Variants in GLYATL1 observed in about 807,000 individuals in gnomAD.
GLYATL1 encodes the protein glycine-N-acyltransferase like 1, also known as glycine N-acyltransferase-like protein 1.
A neutral mutation model predicts 20.0 loss-of-function variants in GLYATL1; 15 were observed. The observed-to-expected ratio is 0.75, with a 90% confidence interval of 0.50 to 1.15. The LOEUF (loss-of-function observed/expected upper bound fraction) is 1.15. Ranked by LOEUF, GLYATL1 falls within the 50% of genes most tolerant of loss-of-function variation. GLYATL1 has a pLI of 0.00. For synonymous variants in GLYATL1, 151 were observed against 131.5 expected, an observed-to-expected ratio of 1.15 and a Z score of -1.01; for missense variants, 380 against 368.5, an observed-to-expected ratio of 1.03 and a Z score of -0.26.
intron 1 of GLYATL1, among the ~76,000 whole-genome samples, chr11:58,906,063 A>T (rs1026237353): frequency 1.3e-5 from 2 of 152,150 alleles, no homozygotes; most frequent in African/African-American, 4.8e-5. Context: ...GCGAATCGGG[A>T]GCAGCGGGCA....
chr11:58,947,244 C>T lies in GLYATL1; in HGVS notation c.78+79C>T, dbSNP rs552465592. The T allele has an allele frequency of 2.6e-5, 39 of 1,525,088 alleles. No homozygotes were observed. In the East Asian group the frequency reaches 8.2e-4, roughly 32 times the overall value. The allele number at this position is 1,525,088 out of a possible 1,614,324, so 94.5% of individuals were successfully genotyped here. On this transcript the variant is annotated intron_variant, in intron 3 of 6. Coordinates refer to ENST00000532726, the MANE Select transcript of GLYATL1 (RefSeq NM_001389712.2). The stretch of plus-strand genomic sequence containing the variant: ...AAATAGCAGGCTTGTGATTCTAGTC[C>T]TTCCTGACTGTTTGCAGAGGGTTGG...
chr11:58,917,162 T>C (rs1180022336), intron 1 of GLYATL1: 1 of 152,232 alleles, frequency 6.6e-6, no homozygotes, highest in East Asian at 1.9e-4. Context: ...TGAATCATCC[T>C]TAGGTTCCCA....
chr11:58,909,114 C>G (rs1289890998), downstream of GLYATL1, among the ~76,000 whole-genome samples: 1 of 152,034 alleles, frequency 6.6e-6, no homozygotes, highest in Non-Finnish European at 1.5e-5. Flanking sequence ...TTTTAGAGTA[C>G]AGAGAGAAGA....
At chr11:58,908,412 T>C (rs1473895480) in exon 2 of GLYATL1, 1 of 159,386 alleles carries the variant, frequency 6.3e-6, no homozygotes, top group Non-Finnish European at 1.4e-5. Flanking sequence ...ATTCAATCCT[T>C]GGTTCTCCAT....
intron 1 of GLYATL1, among the ~76,000 whole-genome samples, chr11:58,941,574 G>T (rs981547364): frequency 1.3e-5 from 2 of 152,208 alleles, no homozygotes; most frequent in Admixed American, 6.5e-5. Context: ...CAAAGGGGAG[G>T]AGTAGTAATT....
chr11:58,955,516 C>G, intron 6 of GLYATL1, 94 bp from the exon 7 acceptor site: 1 of 1,442,030 alleles, frequency 6.9e-7, no homozygotes, highest in Non-Finnish European at 9.5e-7. Context: ...AGTCTTTAAA[C>G]AAGAAGAGTT....
upstream of GLYATL1, among the ~76,000 whole-genome samples, chr11:58,923,555 T>C (rs1855357833): frequency 6.6e-6 from 1 of 152,250 alleles, no homozygotes; most frequent in African/African-American, 2.4e-5. Context: ...GAGTAACCTC[T>C]GATCCTTTTG....
At chr11:58,934,470 G>C (rs920886648) in intron 1 of GLYATL1, 1 of 152,762 alleles carries the variant, frequency 6.5e-6, no homozygotes, top group African/African-American at 2.4e-5. Flanking sequence ...TAGCCACAGG[G>C]GTGGGCCAAG....
intron 1 of GLYATL1, chr11:58,907,165 G>A: frequency 2.3e-6 from 1 of 443,806 alleles, no homozygotes; most frequent in Non-Finnish European, 4.5e-6. Context: ...GCTCTGATCA[G>A]TACACAGTTG....
At chr11:58,955,422 GT>G (rs1857327241) in intron 6 of GLYATL1, 69 bp downstream of exon 6, 10 of 1,465,906 alleles carry the variant, frequency 6.8e-6, no homozygotes, top group Non-Finnish European at 9.4e-6. Context: ...ACATAAATCA[GT>G]TTTGGAATGA....
intron 1 of GLYATL1, among the ~76,000 whole-genome samples, chr11:58,942,858 G>T (rs1329766285): frequency 7.9e-5 from 12 of 152,148 alleles, no homozygotes; most frequent in Non-Finnish European, 1.6e-4. Context: ...AGAGGAGACT[G>T]AGAAAAAGTA....
chr11:58,938,861 T>G (rs1855956437), upstream of GLYATL1, among the ~76,000 whole-genome samples: 1 of 152,108 alleles, frequency 6.6e-6, no homozygotes, highest in Admixed American at 6.5e-5. Flanking sequence ...AACTGAAGTG[T>G]TATAAGAAAC....
chr11:58,926,939 T>A (rs1855441711), upstream of GLYATL1, among the ~76,000 whole-genome samples: 1 of 152,158 alleles, frequency 6.6e-6, no homozygotes, highest in African/African-American at 2.4e-5. Context: ...GGAACTTAAT[T>A]TGGGACTCTT....
chr11:58,908,513 A>G (rs922629666), exon 2 of GLYATL1: 39 of 213,130 alleles, frequency 1.8e-4, no homozygotes, highest in Non-Finnish European at 3.4e-4. Flanking sequence ...AGTGCTACAG[A>G]GGATGACCAG....
intron 1 of GLYATL1, among the ~76,000 whole-genome samples, chr11:58,941,187 C>A: frequency 9.8e-6 from 1 of 102,342 alleles, no homozygotes; most frequent in African/African-American, 3.8e-5. Context: ...CTATCCCTCC[C>A]CCCTCCCCCC....
chr11:58,932,458 A>AAAT, intron 1 of GLYATL1, among the ~76,000 whole-genome samples: 4 of 152,192 alleles, frequency 2.6e-5, no homozygotes, highest in Non-Finnish European at 5.9e-5. Context: ...TTATTGCTCA[A>AAAT]ATCTATTTCT....
At chr11:58,927,622 G>C (rs1855458634), upstream of GLYATL1, 4 of 152,282 alleles carry the variant, frequency 2.6e-5, no homozygotes, top group Admixed American at 2.6e-4. Context: ...CATGTGGGCG[G>C]AGTTTTAGTT....
exon 2 of GLYATL1, chr11:58,908,524 AG>A (rs781449901): frequency 2.6e-4 from 55 of 213,242 alleles, no homozygotes; most frequent in South Asian, 1.8e-4. Flanking sequence ...GGATGACCAG[AG>A]GGCTAGACCT....
chr11:58,905,755 TG>T lies in GLYATL1; in HGVS notation n.238+97del. 2.4e-4 allele frequency: 2 copies of T among 8,358 alleles called. 1 individual carries two copies. The highest frequency in any genetic ancestry group is 4.9e-4 in the Non-Finnish European group (2 of 4,100). 0.5% of individuals were successfully genotyped at this position (8,358 alleles called of 1,614,324 possible). On this transcript the variant is annotated intron_variant and non_coding_transcript_variant, in intron 1 of 1. Coordinates refer to the GLYATL1 transcript ENST00000524629. ...TGGACAAATAGGGAGGGTGGGCGGG[TG>T]GGCGCGCAGTCCCCTCGGCCTGGCC...
Sources: allele counts gnomAD v4.1 joint callset (sites outside exome capture counted in the v4.1 genomes callset), GRCh38; gene constraint gnomAD v4.1.1; transcripts MANE v1.5; gene names NCBI Gene and HGNC (gene_info 2026-07-23, HGNC 2026-07-21).